The following SORCS2 variants were observed in gnomAD, a reference collection of about 807,000 sequenced individuals.
SORCS2 encodes VPS10 domain-containing receptor SorCS2.
SORCS2 carries 100 observed loss-of-function variants against 141.6 expected under a neutral mutation model. The ratio of observed to expected loss-of-function variants is 0.71; its 90% CI spans 0.60 to 0.83. The LOEUF is 0.83. Ranked by LOEUF, SORCS2 falls within the 40% of genes least tolerant of loss-of-function variation. The pLI is 0.00. For synonymous variants in SORCS2, 789 were observed against 676.9 expected, an observed-to-expected ratio of 1.17 and a Z score of -2.57; for missense variants, 1,646 against 1,560.2, an observed-to-expected ratio of 1.05 and a Z score of -0.93.
chr4:7,575,447 G>C (rs1401744990), intron 3 of SORCS2, among the ~76,000 whole-genome samples: 5 of 152,068 alleles, frequency 3.3e-5, no homozygotes, highest in African/African-American at 4.8e-5. Context: ...TATATGTATA[G>C]ATGCATATAG....
chr4:7,719,751 T>C (rs1726452503), intron 18 of SORCS2, among the ~76,000 whole-genome samples: 1 of 152,154 alleles, frequency 6.6e-6, no homozygotes, highest in South Asian at 2.1e-4. Flanking sequence ...GGCCCTCTGC[T>C]GCCCCCTAGA....
At chr4:7,534,555 G>A (rs1711951865) in intron 3 of SORCS2, among the ~76,000 whole-genome samples, 1 of 152,238 alleles carries the variant, frequency 6.6e-6, no homozygotes, top group Non-Finnish European at 1.5e-5. Flanking sequence ...ATGTTGTGAT[G>A]GGAAGGTTCT....
At chr4:7,279,079 G>A (rs1323764662) in intron 1 of SORCS2, among the ~76,000 whole-genome samples, 1 of 152,190 alleles carries the variant, frequency 6.6e-6, no homozygotes, top group Admixed American at 6.5e-5. Flanking sequence ...TGCTTCCTAT[G>A]GGAGAACTGA....
At position 7,443,355 on chromosome 4, in the gene SORCS2, G is replaced by A. The variant is rs1017253285; in HGVS notation, c.548+47000G>A. ...GCACAGCATCTTAGGGCGGGCACCC[G>A]GGTGTTTGTGGAGCACCTAGGACTC... On this transcript the variant is annotated intron_variant, in intron 2 of 26. Transcript: ENST00000507866. Among the ~76,000 whole-genome samples, 4 of 152,166 alleles carry A rather than the reference G, an allele frequency of 2.6e-5. No homozygotes were observed. The South Asian group carries it at 6.2e-4, about 24-fold the overall frequency.
chr4:7,709,409 C>T (rs1309805954), intron 14 of SORCS2, among the ~76,000 whole-genome samples: 3 of 152,242 alleles, frequency 2.0e-5, no homozygotes, highest in East Asian at 1.9e-4. Flanking sequence ...CCTTCATCCC[C>T]CACCCACAGG....
rs1488174899 is a variant in SORCS2, at chr4:7,388,009, T to G, written c.481-8279T>G. Among the ~76,000 whole-genome samples the G allele has an allele frequency of 9.3e-5, 13 of 139,564 alleles. No individual in the cohort carries two copies. The South Asian group carries it at 3.0e-3, about 32-fold the overall frequency. The allele number at this position is 139,564 out of a possible 152,430, so 91.6% of individuals were successfully genotyped here. Reference sequence around the variant, plus strand: ...ATGCACACATGCACACACATGCACATGCATACAGATACACAGATACGCACA... The same window carrying G: ...ATGCACACATGCACACACATGCACAGGCATACAGATACACAGATACGCACA... On this transcript the variant is annotated intron_variant, in intron 1 of 26. Coordinates refer to ENST00000507866, the MANE Select transcript of SORCS2 (RefSeq NM_020777.3).
At chr4:7,593,910 A>G (rs1218415280) in intron 3 of SORCS2, among the ~76,000 whole-genome samples, 1 of 152,234 alleles carries the variant, frequency 6.6e-6, no homozygotes, top group Non-Finnish European at 1.5e-5. Context: ...TTAGTCATCA[A>G]CCAAAGTGCT....
intron 1 of SORCS2, among the ~76,000 whole-genome samples, chr4:7,245,730 T>C (rs915914173): frequency 6.6e-6 from 1 of 151,908 alleles, no homozygotes; most frequent in Non-Finnish European, 1.5e-5. Context: ...GCTTGGTGAG[T>C]GTAGAACTGA....
chr4:7,543,970 ATCCACCCATCCG>A (rs1354332999), intron 3 of SORCS2, among the ~76,000 whole-genome samples: 19 of 144,792 alleles, frequency 1.3e-4, no homozygotes, highest in South Asian at 2.3e-4. Context: ...CCATCCATCC[ATCCACCCATCCG>A]TCCATCCATC....
chr4:7,526,346 G>A (rs1174061591), intron 2 of SORCS2, among the ~76,000 whole-genome samples: 1 of 152,214 alleles, frequency 6.6e-6, no homozygotes, highest in Non-Finnish European at 1.5e-5. Context: ...AAAAAGTGAA[G>A]AGAAACAGGT....
In SORCS2 at chr4:7,416,618, G is replaced by A. The variant is rs547912489; in HGVS notation, c.548+20263G>A. ...CACACTTGTGCGTATACACAGACAC[G>A]CATATGGACACATTCACACACAAGC... On this transcript the variant is annotated intron_variant, in intron 2 of 26. Transcript: ENST00000507866. Among the ~76,000 whole-genome samples, 17 of 152,040 alleles carry A rather than the reference G, an allele frequency of 1.1e-4. No homozygotes were observed. The South Asian group carries it at 1.3e-3, about 11-fold the overall frequency.
At chr4:7,385,760 C>A (rs1014796290) in intron 1 of SORCS2, among the ~76,000 whole-genome samples, 1 of 152,232 alleles carries the variant, frequency 6.6e-6, no homozygotes, top group Non-Finnish European at 1.5e-5. Flanking sequence ...ACTGATCCAA[C>A]CTTTGTTCAG....
At chr4:7,479,490 T>C (rs144205707) in intron 2 of SORCS2, among the ~76,000 whole-genome samples, 1 of 152,214 alleles carries the variant, frequency 6.6e-6, no homozygotes, top group Non-Finnish European at 1.5e-5. Flanking sequence ...TTCTTTGCAA[T>C]GTGCAGAGTT....
chr4:7,676,824 T>TCTCTCTCTCTCTCTCTCTCTCTCCCC lies in SORCS2; in HGVS notation c.1341+600_1341+601insTCTCTCTCTCTCTCTCTCCCCCTCTC, dbSNP rs765132758. Among the ~76,000 whole-genome samples the TCTCTCTCTCTCTCTCTCTCTCTCCCC allele has an allele frequency of 1.6e-4, 8 of 49,102 alleles. 2 individuals are homozygous for TCTCTCTCTCTCTCTCTCTCTCTCCCC. The highest frequency in any genetic ancestry group is 6.9e-4 in the Admixed American group (3 of 4,344). The allele number at this position is 49,102 out of a possible 152,430, so 32.2% of individuals were successfully genotyped here. A position where few individuals can be genotyped will look rare whatever the true frequency, so the allele number is the denominator to read the frequency against. On this transcript the variant is annotated intron_variant, in intron 9 of 26. Coordinates refer to ENST00000507866, the MANE Select transcript of SORCS2 (RefSeq NM_020777.3). ...TTCTGTCTCTCTCTCTCTCTCTCTC[T>TCTCTCTCTCTCTCTCTCTCTCTCCCC]CTCTCCCTCTCTCCACCCCAGCCCT...
intron 1 of SORCS2, among the ~76,000 whole-genome samples, chr4:7,288,064 G>A (rs1247066816): frequency 6.6e-6 from 1 of 152,180 alleles, no homozygotes; most frequent in Non-Finnish European, 1.5e-5. Context: ...ATGCCATGCG[G>A]CCTCCTCCGG....
intron 1 of SORCS2, among the ~76,000 whole-genome samples, chr4:7,245,625 C>T (rs1279136276): frequency 1.3e-5 from 2 of 152,194 alleles, no homozygotes. Context: ...CAAATGTGCA[C>T]AGACGCGAGA....
chr4:7,322,867 T>C (rs1055312459), intron 1 of SORCS2, among the ~76,000 whole-genome samples: 26 of 152,314 alleles, frequency 1.7e-4, no homozygotes, highest in Admixed American at 1.4e-3. Flanking sequence ...ACTGACCAGC[T>C]GCGGCTCCTC....
At chr4:7,679,388 G>A (rs182927964) in intron 9 of SORCS2, among the ~76,000 whole-genome samples, 1 of 152,350 alleles carries the variant, frequency 6.6e-6, no homozygotes, top group Non-Finnish European at 1.5e-5. Flanking sequence ...TGGCTCACAT[G>A]CTAATACCCA....
chr4:7,197,217 A>C (rs28363962), intron 1 of SORCS2, among the ~76,000 whole-genome samples: 32,012 of 152,118 alleles, frequency 0.21, 3,540 homozygotes, highest in South Asian at 0.3. Flanking sequence ...GGCACCAGTC[A>C]TATTGGATCA....
Sources: allele counts gnomAD v4.1 joint callset (sites outside exome capture counted in the v4.1 genomes callset), GRCh38; gene constraint gnomAD v4.1.1; transcripts MANE v1.5; gene names NCBI Gene and HGNC (gene_info 2026-07-23, HGNC 2026-07-21).